The following GRM7 variants were observed in gnomAD, a reference collection of about 807,000 sequenced individuals.
The protein encoded by GRM7 is glutamate metabotropic receptor 7, also known as metabotropic glutamate receptor 7.
Under a neutral mutation model 84.5 loss-of-function variants are expected in GRM7, and 35 were observed. The ratio of observed to expected loss-of-function variants is 0.41; its 90% CI spans 0.32 to 0.55. GRM7 has a LOEUF of 0.55. Ranked by LOEUF, GRM7 falls within the 20% of genes least tolerant of loss-of-function variation. The probability of loss-of-function intolerance (pLI) is 0.19; values close to 1 mark genes in which losing one functional copy is unlikely to be tolerated. For missense variants in GRM7, 1,003 were observed against 1,194.6 expected (o/e 0.84, Z 2.36); for synonymous variants, 487 against 455.1 (o/e 1.07, Z -0.89).
At chr3:7,052,385 T>G (rs1215728006) in intron 1 of GRM7, among the ~76,000 whole-genome samples, 1 of 151,704 alleles carries the variant, frequency 6.6e-6, no homozygotes, top group Non-Finnish European at 1.5e-5. Context: ...TTTCTTCTGT[T>G]TTTGTTAGTT....
intron 4 of GRM7, among the ~76,000 whole-genome samples, chr3:7,318,426 C>A (rs977165731): frequency 6.6e-6 from 1 of 151,554 alleles, no homozygotes; most frequent in Non-Finnish European, 1.5e-5. Context: ...TGAGTGAGAA[C>A]AATAAGAAAG....
At chr3:6,888,052 T>G (rs1374538265) in intron 1 of GRM7, among the ~76,000 whole-genome samples, 1 of 152,234 alleles carries the variant, frequency 6.6e-6, no homozygotes, top group Non-Finnish European at 1.5e-5. Context: ...TCTGTTCATG[T>G]CCCTTGCCCA....
intron 2 of GRM7, among the ~76,000 whole-genome samples, chr3:7,216,578 AAC>A (rs1413691233): frequency 1.3e-5 from 2 of 152,224 alleles, no homozygotes; most frequent in Non-Finnish European, 2.9e-5. Context: ...ACTGGAAAAT[AAC>A]ACATCTTTTG....
intron 7 of GRM7, among the ~76,000 whole-genome samples, chr3:7,513,827 G>C (rs1700289447): frequency 6.6e-6 from 1 of 152,260 alleles, no homozygotes. Context: ...ACTTCACTAT[G>C]TTTTCTGTTT....
intron 2 of GRM7, among the ~76,000 whole-genome samples, chr3:7,225,443 T>C (rs965675000): frequency 1.4e-5 from 2 of 147,752 alleles, no homozygotes; most frequent in African/African-American, 4.9e-5. Flanking sequence ...ATCTGTAATT[T>C]CTTGATATAT....
intron 1 of GRM7, among the ~76,000 whole-genome samples, chr3:7,061,981 G>A (rs559698573): frequency 8.9e-4 from 135 of 151,790 alleles, no homozygotes; most frequent in African/African-American, 3.2e-3. Flanking sequence ...AGTAATGTGG[G>A]AATATGGGAG....
intron 1 of GRM7, among the ~76,000 whole-genome samples, chr3:6,954,772 A>G (rs1163341340): frequency 1.3e-5 from 2 of 152,248 alleles, no homozygotes; most frequent in African/African-American, 2.4e-5. Flanking sequence ...GAGATAATAT[A>G]TGTAAAGTAC....
intron 8 of GRM7, among the ~76,000 whole-genome samples, chr3:7,631,622 T>A (rs1361629891): frequency 6.6e-6 from 1 of 152,136 alleles, no homozygotes; most frequent in African/African-American, 2.4e-5. Context: ...ACTTTTGCAC[T>A]ATTGACATTT....
Position 7,064,479 on chromosome 3 carries a change from T to TATATACACACACAC in GRM7, c.520-81972_520-81971insTATACACACACACA. On this transcript the variant is annotated intron_variant, in intron 1 of 9. Transcript: ENST00000357716. ...ATATATATACATATATATATATATA[T>TATATACACACACAC]ACACACATATACATATATATATACA... Among the ~76,000 whole-genome samples the TATATACACACACAC allele has an allele frequency of 7.0e-5, 7 of 99,380 alleles. 2 individuals carry two copies. Among genetic ancestry groups the TATATACACACACAC allele is most frequent in the South Asian group, 3.4e-4 (1 of 2,926 alleles). The allele number at this position is 99,380 out of a possible 152,430, so 65.2% of individuals were successfully genotyped here. A position where few individuals can be genotyped will look rare whatever the true frequency, so the allele number is the denominator to read the frequency against.
intron 1 of GRM7, among the ~76,000 whole-genome samples, chr3:7,007,878 C>T (rs1264813926): frequency 6.6e-6 from 1 of 152,174 alleles, no homozygotes; most frequent in East Asian, 1.9e-4. Context: ...AGGCCATTTA[C>T]CCATTAACTG....
intron 7 of GRM7, among the ~76,000 whole-genome samples, chr3:7,467,107 T>C (rs902470717): frequency 1.3e-5 from 2 of 152,192 alleles, no homozygotes; most frequent in Non-Finnish European, 2.9e-5. Flanking sequence ...TCTTGTTTTT[T>C]GAGACGGAGT....
At chr3:7,119,356 A>C (rs1166871701) in intron 1 of GRM7, among the ~76,000 whole-genome samples, 2 of 152,062 alleles carry the variant, frequency 1.3e-5, no homozygotes, top group African/African-American at 4.8e-5. Context: ...GCTCTACTGG[A>C]AATTGTATAC....
At chr3:7,322,536 C>T (rs1700823329) in intron 4 of GRM7, among the ~76,000 whole-genome samples, 1 of 151,880 alleles carries the variant, frequency 6.6e-6, no homozygotes, top group Non-Finnish European at 1.5e-5. Context: ...AATGTGTATT[C>T]TTTTATCCCT....
chr3:6,880,509 T>C (rs1305158702), intron 1 of GRM7, among the ~76,000 whole-genome samples: 1 of 152,210 alleles, frequency 6.6e-6, no homozygotes, highest in Non-Finnish European at 1.5e-5. Context: ...ATGGTTCACA[T>C]ATAAACAATA....
rs1037202648 is a variant in GRM7, at chr3:7,262,904, G to A, written c.737-35780G>A. Among the ~76,000 whole-genome samples the A allele has an allele frequency of 5.4e-5, 8 of 149,464 alleles. No individual in the cohort carries two copies. The East Asian group carries it at 1.6e-3, about 30-fold the overall frequency. On this transcript the variant is annotated intron_variant, in intron 2 of 9. Transcript: ENST00000357716. ...GTAGAGATGGGATTTCACCATGTTGGCCAGACTGGTCTTGAACTCCTGCCT... is the reference window on the plus strand; with the variant it reads ...GTAGAGATGGGATTTCACCATGTTGACCAGACTGGTCTTGAACTCCTGCCT...
intron 4 of GRM7, among the ~76,000 whole-genome samples, chr3:7,397,991 A>G (rs1478333432): frequency 6.6e-6 from 1 of 152,162 alleles, no homozygotes; most frequent in Non-Finnish European, 1.5e-5. Flanking sequence ...CATGTGATAT[A>G]AACGAAACAC....
At chr3:7,008,188 T>C (rs1317377738) in intron 1 of GRM7, among the ~76,000 whole-genome samples, 1 of 152,186 alleles carries the variant, frequency 6.6e-6, no homozygotes. Context: ...TGGATGAATT[T>C]TCTCATTGTG....
At chr3:7,453,750 G>T (rs1399536301) in intron 6 of GRM7, among the ~76,000 whole-genome samples, 1 of 151,942 alleles carries the variant, frequency 6.6e-6, no homozygotes, top group Non-Finnish European at 1.5e-5. Flanking sequence ...AGGCATGATC[G>T]ACAACCACGA....
chr3:7,612,218 T>C (rs919398867), intron 8 of GRM7, among the ~76,000 whole-genome samples: 3 of 152,216 alleles, frequency 2.0e-5, no homozygotes, highest in Admixed American at 2.0e-4. Context: ...TCATCACTTT[T>C]GGGTTACGTG....
Sources: gnomAD v4.1 joint callset for allele counts (sites outside exome capture counted in the v4.1 genomes callset) on GRCh38, gnomAD v4.1.1 for gene constraint, MANE v1.5 for transcripts, NCBI Gene and HGNC (gene_info 2026-07-23, HGNC 2026-07-21) for gene names.